The following ROBO1 variants were observed in gnomAD, a reference collection of about 807,000 sequenced individuals.
ROBO1 encodes the protein roundabout homolog 1.
In ROBO1, 149 loss-of-function variants were observed where a neutral mutation model predicts 195.9. The observed-to-expected ratio is 0.76, with a 90% CI of 0.67 to 0.87. ROBO1 has a LOEUF of 0.87. Ranked by LOEUF, ROBO1 falls within the 40% of genes least tolerant of loss-of-function variation. The probability of loss-of-function intolerance (pLI) is 0.00; values close to 1 mark genes in which losing one functional copy is unlikely to be tolerated. For synonymous variants in ROBO1, 816 were observed against 733.2 expected (o/e 1.11, Z -1.82); for missense variants, 1,933 against 2,068.3 (o/e 0.93, Z 1.27).
At chr3:78,963,513 T>TC (rs1560056297) in intron 3 of ROBO1, among the ~76,000 whole-genome samples, 1 of 126,756 alleles carries the variant, frequency 7.9e-6, no homozygotes, top group East Asian at 2.2e-4. Flanking sequence ...TTTTTTTTTT[T>TC]TTTTTTTCTT....
intron 2 of ROBO1, among the ~76,000 whole-genome samples, chr3:79,353,588 G>A (rs1164148749): frequency 1.3e-5 from 2 of 152,126 alleles, no homozygotes; most frequent in African/African-American, 4.8e-5. Context: ...CAAGCGTGTG[G>A]ACATGGAGGT....
intron 2 of ROBO1, among the ~76,000 whole-genome samples, chr3:79,407,817 A>G (rs1301844246): frequency 2.0e-5 from 3 of 152,146 alleles, no homozygotes; most frequent in Admixed American, 6.6e-5. Context: ...AAAAATAAGC[A>G]CATTTTACAG....
At position 78,717,805 on chromosome 3, in the gene ROBO1, C is replaced by A. The variant is rs774290960; in HGVS notation, c.736G>T (p.Val246Phe). The change falls in exon 6 of 31, where the codon GTT becomes TTT. Residue 246 changes from valine (V) to phenylalanine (F), a missense_variant. Around this residue, in one of 3 missense-constraint regions of ROBO1, gnomAD observed 1,737 missense variants for 1,882.5 expected, o/e 0.92. Coordinates refer to ENST00000464233, the MANE Select transcript of ROBO1 (RefSeq NM_002941.4). ...GKYVCVGTNM[V>F]GERESEVAEL... ...GCTACTTCACTCTCACGTTCCCCAACCATATTGGTACCAACACAAACATAT... is the reference window on the plus strand; with the variant it reads ...GCTACTTCACTCTCACGTTCCCCAAACATATTGGTACCAACACAAACATAT... 1 of 1,613,766 alleles carries A rather than the reference C, an allele frequency of 6.2e-7. No individual in the cohort carries two copies. Among genetic ancestry groups the A allele is most frequent in the South Asian group, 1.1e-5 (1 of 91,062 alleles).
chr3:79,455,289 T>C (rs1419163980), intron 2 of ROBO1, among the ~76,000 whole-genome samples: 1 of 152,126 alleles, frequency 6.6e-6, no homozygotes, highest in Non-Finnish European at 1.5e-5. Context: ...ACATTTAACA[T>C]CAATCTTTAG....
At chr3:78,716,663 A>G (rs557136995) in intron 7 of ROBO1, among the ~76,000 whole-genome samples, 37 of 152,306 alleles carry the variant, frequency 2.4e-4, no homozygotes, top group African/African-American at 8.7e-4. Flanking sequence ...TGTCTAAGCC[A>G]CTACTGTAAT....
intron 3 of ROBO1, among the ~76,000 whole-genome samples, chr3:79,065,391 G>GA (rs775960477): frequency 2.7e-5 from 4 of 150,500 alleles, no homozygotes; most frequent in Non-Finnish European, 4.4e-5. Context: ...AAAAGGCCTA[G>GA]AAAAAAAAAT....
At chr3:78,961,903 C>G (rs2041369128) in intron 3 of ROBO1, among the ~76,000 whole-genome samples, 1 of 151,246 alleles carries the variant, frequency 6.6e-6, no homozygotes, top group Non-Finnish European at 1.5e-5. Context: ...AGTCACAGTA[C>G]TTGGGCTTTT....
chr3:79,408,471 G>T (rs1213008266), intron 2 of ROBO1, among the ~76,000 whole-genome samples: 1 of 151,874 alleles, frequency 6.6e-6, no homozygotes, highest in South Asian at 2.1e-4. Context: ...TTGCCTTCTT[G>T]GAGTTTATAT....
At chr3:79,204,180 AT>A (rs1179072947) in intron 2 of ROBO1, among the ~76,000 whole-genome samples, 1 of 152,178 alleles carries the variant, frequency 6.6e-6, no homozygotes, top group African/African-American at 2.4e-5. Context: ...TAACTGTGAT[AT>A]TCATCACTTC....
chr3:78,679,886 C>A (rs1206414345), intron 10 of ROBO1, among the ~76,000 whole-genome samples: 2 of 151,944 alleles, frequency 1.3e-5, no homozygotes, highest in East Asian at 3.9e-4. Flanking sequence ...CAATCCTAAG[C>A]CAAAAGAACA....
chr3:78,614,803 A>G lies in ROBO1; in HGVS notation c.4283-3T>C, dbSNP rs1042559302. Reference sequence around the variant, plus strand: ...AGACGCATGAAAATGTCGACGGCCTAAGGAGAAAAAAAAAAAAAATCCAAG... The same window carrying G: ...AGACGCATGAAAATGTCGACGGCCTGAGGAGAAAAAAAAAAAAAATCCAAG... On this transcript the variant is annotated splice_polypyrimidine_tract_variant and splice_region_variant and intron_variant, in intron 27 of 30. Transcript: ENST00000464233. 6.4e-7 allele frequency: 1 copy of G among 1,571,162 alleles called. No homozygotes were observed. The highest frequency in any genetic ancestry group is 1.4e-5 in the African/African-American group (1 of 73,006).
intron 2 of ROBO1, among the ~76,000 whole-genome samples, chr3:79,214,029 T>C (rs1342082932): frequency 6.6e-6 from 1 of 151,950 alleles, no homozygotes; most frequent in Non-Finnish European, 1.5e-5. Flanking sequence ...TTTCACCATG[T>C]TGGCCTGGCT....
chr3:79,767,642 C>T (rs1237807326), intron 1 of ROBO1, 110 bp downstream of exon 1: 4 of 152,238 alleles, frequency 2.6e-5, no homozygotes, highest in Non-Finnish European at 5.9e-5. Flanking sequence ...GCAGAGTCCT[C>T]TCGGCAACCA....
At chr3:79,088,989 T>C (rs1313789962) in intron 3 of ROBO1, among the ~76,000 whole-genome samples, 3 of 152,134 alleles carry the variant, frequency 2.0e-5, no homozygotes, top group Non-Finnish European at 2.9e-5. Context: ...GGATGACTCA[T>C]TTGTTTTCCA....
rs1285619096 is a variant in ROBO1 at position 78,614,666 on chromosome 3, T to G, written c.4417A>C (p.Arg1473=). 6.2e-7 allele frequency: 1 copy of G among 1,613,848 alleles called. No homozygotes were observed. The highest frequency in any genetic ancestry group is 1.1e-5 in the South Asian group (1 of 91,078). Residue 1473 remains arginine (R), a synonymous_variant, in exon 28 of 31, where the codon AGA becomes CGA. Transcript: ENST00000464233. ...KLKHQPGHLR[R]ETYTDDLPPP... The stretch of plus-strand genomic sequence containing the variant: ...GACTCACCATCTGTGTAGGTTTCTC[T>G]GCGCAGATGTCCTGGCTGGTGTTTC...
At chr3:78,937,780 T>C (rs959334035) in intron 4 of ROBO1, among the ~76,000 whole-genome samples, 13 of 152,146 alleles carry the variant, frequency 8.5e-5, no homozygotes, top group African/African-American at 3.1e-4. Context: ...CACCCCACAG[T>C]AGCCAAGAAA....
At chr3:78,951,990 C>A (rs2040817675) in intron 3 of ROBO1, among the ~76,000 whole-genome samples, 1 of 151,466 alleles carries the variant, frequency 6.6e-6, no homozygotes, top group East Asian at 1.9e-4. Flanking sequence ...TAATTTTATT[C>A]TTTATTCATA....
intron 4 of ROBO1, among the ~76,000 whole-genome samples, chr3:78,785,586 A>G (rs2083809637): frequency 6.6e-6 from 1 of 152,308 alleles, no homozygotes; most frequent in East Asian, 1.9e-4. Flanking sequence ...AATTCTGGCT[A>G]TGATTCAATT....
chr3:79,292,513 T>C lies in ROBO1; in HGVS notation c.89-166974A>G, dbSNP rs2723887. 3.0e-4 allele frequency among the ~76,000 whole-genome samples: 46 copies of C among 152,274 alleles called. No homozygotes were observed. The South Asian group carries it at 8.7e-3, about 29-fold the overall frequency. On this transcript the variant is annotated intron_variant, in intron 2 of 30. Transcript: ENST00000464233. ...ATTCAGTATGATACAGGCTGTGGGTTTGTTATAAATAGCTCTTATTATTTA... is the reference window on the plus strand; with the variant it reads ...ATTCAGTATGATACAGGCTGTGGGTCTGTTATAAATAGCTCTTATTATTTA...
Sources: gnomAD v4.1 joint callset for allele counts (sites outside exome capture counted in the v4.1 genomes callset) on GRCh38, gnomAD v4.1.1 for gene constraint, gnomAD v4.1.1 regional missense constraint, MANE v1.5 for transcripts, NCBI Gene and HGNC (gene_info 2026-07-23, HGNC 2026-07-21) for gene names.